Variants in LAMA2 observed in about 807,000 individuals in gnomAD.
LAMA2 encodes laminin subunit alpha 2.
A neutral mutation model predicts 364.8 loss-of-function variants in LAMA2; 269 were observed. The observed-to-expected ratio is 0.74, with a 90% CI of 0.67 to 0.82. LAMA2 has a LOEUF of 0.82. Ranked by LOEUF, LAMA2 falls within the 40% of genes least tolerant of loss-of-function variation. LAMA2 has a pLI of 0.00. For missense variants in LAMA2, 3,807 were observed against 3,873.2 expected (o/e 0.98, Z 0.45); for synonymous variants, 1,379 against 1,370.6 (o/e 1.01, Z -0.14).
chr6:129,105,063 T>C (rs1363945996), intron 4 of LAMA2, among the ~76,000 whole-genome samples: 1 of 152,200 alleles, frequency 6.6e-6, no homozygotes, highest in Non-Finnish European at 1.5e-5. Context: ...AGTTTTATTT[T>C]AGAAGGGCAA....
At chr6:129,084,250 T>C (rs781135747) in intron 3 of LAMA2, among the ~76,000 whole-genome samples, 6 of 152,072 alleles carry the variant, frequency 3.9e-5, no homozygotes, top group Non-Finnish European at 7.4e-5. Flanking sequence ...AATTGAAGAG[T>C]CACCTCAATC....
chr6:129,184,024 ATT>A (rs1781086033), intron 10 of LAMA2, among the ~76,000 whole-genome samples: 2 of 152,048 alleles, frequency 1.3e-5, no homozygotes, highest in South Asian at 4.1e-4. Flanking sequence ...AGTAGGTATA[ATT>A]ATCACACTGA....
At chr6:129,229,577 A>T (rs1784545708) in intron 12 of LAMA2, among the ~76,000 whole-genome samples, 1 of 152,190 alleles carries the variant, frequency 6.6e-6, no homozygotes, top group South Asian at 2.1e-4. Flanking sequence ...TATGATTGTT[A>T]CTTTGAGAGT....
Position 129,477,433 on chromosome 6 carries a change from C to CTTAA in LAMA2, c.7452-1257_7452-1254dup, listed in dbSNP as rs1446377566. On this transcript the variant is annotated intron_variant, in intron 53 of 64. Coordinates refer to ENST00000421865, the MANE Select transcript of LAMA2 (RefSeq NM_000426.4). The stretch of plus-strand genomic sequence containing the variant: ...GCACTTACTGTGTGCAGTGCTATTC[C>CTTAA]TTAATTTATTAAACCTTTGCAATTT... Among the ~76,000 whole-genome samples, 3 of 152,078 alleles carry CTTAA rather than the reference C, an allele frequency of 2.0e-5. No individual in the cohort carries two copies. The South Asian group carries it at 6.2e-4, about 32-fold the overall frequency.
chr6:129,437,702 T>C (rs1374834186), intron 41 of LAMA2, among the ~76,000 whole-genome samples: 1 of 152,070 alleles, frequency 6.6e-6, no homozygotes, highest in Non-Finnish European at 1.5e-5. Flanking sequence ...TTTTTCAATT[T>C]GAATTTTCAC....
chr6:128,969,239 C>T lies in LAMA2; in HGVS notation c.113-80679C>T, dbSNP rs372165994. Among the ~76,000 whole-genome samples the T allele has an allele frequency of 8.8e-4, 134 of 152,212 alleles. 3 individuals carry two copies. The South Asian group carries it at 0.022, about 24-fold the overall frequency. ...CTCTTTTTTGGTCTCCACAGGTTGA[C>T]AATAACATGTTGTAATAATCACATG... is the stretch of plus-strand genomic sequence containing the variant. On this transcript the variant is annotated intron_variant, in intron 1 of 64. Transcript: ENST00000421865.
intron 40 of LAMA2, among the ~76,000 whole-genome samples, chr6:129,418,938 T>C (rs1780934322): frequency 6.6e-6 from 1 of 152,122 alleles, no homozygotes. Flanking sequence ...TAAGTATACA[T>C]TGTGGAATGG....
chr6:128,959,387 C>G (rs1259381313), intron 1 of LAMA2, among the ~76,000 whole-genome samples: 1 of 151,500 alleles, frequency 6.6e-6, no homozygotes, highest in Non-Finnish European at 1.5e-5. Context: ...GCCTTAATTC[C>G]CCCCTCTTTT....
intron 12 of LAMA2, among the ~76,000 whole-genome samples, chr6:129,211,912 C>T (rs868780464): frequency 4.6e-5 from 7 of 152,174 alleles, no homozygotes; most frequent in African/African-American, 1.4e-4. Context: ...GCTTTGGAGA[C>T]CTTAGGAACT....
chr6:129,207,432 C>T (rs1782752942), intron 12 of LAMA2, among the ~76,000 whole-genome samples: 1 of 151,852 alleles, frequency 6.6e-6, no homozygotes, highest in African/African-American at 2.4e-5. Flanking sequence ...AATATCAAAA[C>T]AAGTATGTTT....
chr6:128,919,436 C>T (rs1414706505), intron 1 of LAMA2, among the ~76,000 whole-genome samples: 1 of 152,176 alleles, frequency 6.6e-6, no homozygotes, highest in East Asian at 1.9e-4. Flanking sequence ...ATATTGGCCA[C>T]AAATCAATCC....
At chr6:128,911,636 T>G (rs1257978814) in intron 1 of LAMA2, among the ~76,000 whole-genome samples, 1 of 152,198 alleles carries the variant, frequency 6.6e-6, no homozygotes, top group Non-Finnish European at 1.5e-5. Context: ...CCGGAGCTGT[T>G]CCTATTCGGC....
At chr6:129,306,948 T>A (rs1773917095) in intron 22 of LAMA2, among the ~76,000 whole-genome samples, 1 of 152,210 alleles carries the variant, frequency 6.6e-6, no homozygotes, top group South Asian at 2.1e-4. Context: ...TCCTACTGAC[T>A]GACTTTTCTC....
intron 1 of LAMA2, among the ~76,000 whole-genome samples, chr6:129,005,982 G>C (rs552776880): frequency 6.6e-6 from 1 of 151,614 alleles, no homozygotes; most frequent in Non-Finnish European, 1.5e-5. Context: ...ATCTGTTTGA[G>C]ACTGTGTTTT....
At chr6:129,447,774 C>A (rs764247738) in intron 45 of LAMA2, among the ~76,000 whole-genome samples, 2 of 152,164 alleles carry the variant, frequency 1.3e-5, no homozygotes, top group Non-Finnish European at 2.9e-5. Flanking sequence ...TGTACCACTC[C>A]TATATTTTGC....
intron 1 of LAMA2, among the ~76,000 whole-genome samples, chr6:128,975,288 G>A (rs1457937319): frequency 6.6e-6 from 1 of 152,176 alleles, no homozygotes. Context: ...ACTTCCCAAA[G>A]GAAGTGGCAA....
intron 16 of LAMA2, among the ~76,000 whole-genome samples, chr6:129,270,313 A>G (rs951539186): frequency 1.6e-4 from 19 of 118,752 alleles, no homozygotes; most frequent in African/African-American, 5.8e-4. Flanking sequence ...ACACACACAC[A>G]CACGCAATAT....
chr6:129,013,660 A>T (rs1784905228), intron 1 of LAMA2, among the ~76,000 whole-genome samples: 1 of 152,096 alleles, frequency 6.6e-6, no homozygotes, highest in Non-Finnish European at 1.5e-5. Context: ...CACGAAAGGC[A>T]TTTTCATTTT....
chr6:128,929,294 C>T lies in LAMA2; in HGVS notation c.112+45937C>T, dbSNP rs1234802125. On this transcript the variant is annotated intron_variant, in intron 1 of 64. Coordinates refer to ENST00000421865, the MANE Select transcript of LAMA2 (RefSeq NM_000426.4). The stretch of plus-strand genomic sequence containing the variant: ...CCCGTCATTGATGCGGATCCCTGCC[C>T]ACATGTCCCACAGCTCACTCTCACA... 4 of 1,265,818 alleles carry T rather than the reference C, an allele frequency of 3.2e-6. No homozygotes were observed. The African/African-American group carries it at 5.9e-5, about 19-fold the overall frequency. The allele number at this position is 1,265,818 out of a possible 1,614,324, so 78.4% of individuals were successfully genotyped here. A position where few individuals can be genotyped will look rare whatever the true frequency, so the allele number is the denominator to read the frequency against.
Sources: gnomAD v4.1 joint callset for allele counts (sites outside exome capture counted in the v4.1 genomes callset) on GRCh38, gnomAD v4.1.1 for gene constraint, MANE v1.5 for transcripts, NCBI Gene and HGNC (gene_info 2026-07-23, HGNC 2026-07-21) for gene names.